Variants in COP1 observed in about 807,000 individuals in gnomAD.
The protein encoded by COP1 is E3 ubiquitin-protein ligase COP1.
COP1 carries 24 observed loss-of-function variants against 101.3 expected under a neutral mutation model. That is an observed-to-expected ratio of 0.24 (90% CI 0.17 to 0.33). COP1 has a LOEUF of 0.33. COP1 is among the 10% of genes least tolerant of loss of function. The pLI, the probability that COP1 is intolerant of heterozygous loss-of-function variation, is 1.00. For synonymous variants in COP1, 347 were observed against 341.9 expected (o/e 1.01, Z -0.17); for missense variants, 663 against 906.2 (o/e 0.73, Z 3.45).
At chr1:176,085,118 CAT>C (rs1679901427) in intron 10 of COP1, among the ~76,000 whole-genome samples, 1 of 152,122 alleles carries the variant, frequency 6.6e-6, no homozygotes, top group Non-Finnish European at 1.5e-5. Flanking sequence ...CACATCTTTG[CAT>C]ATGTTATTTC....
chr1:176,036,844 C>T (rs1669637056), intron 14 of COP1, among the ~76,000 whole-genome samples: 1 of 152,116 alleles, frequency 6.6e-6, no homozygotes, highest in African/African-American at 2.4e-5. Context: ...AATGCATTTT[C>T]AATTTATGAT....
intron 1 of COP1, among the ~76,000 whole-genome samples, chr1:176,197,483 A>C (rs1290222129): frequency 6.6e-6 from 1 of 152,204 alleles, no homozygotes; most frequent in Admixed American, 6.5e-5. Context: ...TTGTACTTCT[A>C]GTCTCTAGAC....
chr1:175,982,722 C>T lies in COP1; in HGVS notation c.2133+4221G>A, dbSNP rs139555635. Among the ~76,000 whole-genome samples the T allele has an allele frequency of 2.6e-3, 400 of 152,186 alleles. 3 individuals are homozygous for T. Among genetic ancestry groups the T allele is most frequent in the African/African-American group, 9.2e-3 (382 of 41,526 alleles). On this transcript the variant is annotated intron_variant, in intron 18 of 19. Transcript: ENST00000367669. ...GGTTAAACTGTATATAATGGAATAC[C>T]ATTCAGCTTTACATGAACTTGGAGG...
At chr1:175,947,370 ATTTT>A (rs34272809) in intron 18 of COP1, 131 bp from the exon 19 acceptor site, 246 of 489,372 alleles carry the variant, frequency 5.0e-4, no homozygotes, top group East Asian at 8.4e-4. Flanking sequence ...TGAAGATACA[ATTTT>A]TTTTTTTTTT....
At chr1:176,048,213 T>TTA (rs1247914222) in intron 11 of COP1, among the ~76,000 whole-genome samples, 2 of 147,350 alleles carry the variant, frequency 1.4e-5, no homozygotes, top group Admixed American at 6.9e-5. Context: ...TTTTTTTTTT[T>TTA]ACAGAGATGG....
At chr1:176,064,639 C>T (rs983873639) in intron 11 of COP1, among the ~76,000 whole-genome samples, 8 of 152,040 alleles carry the variant, frequency 5.3e-5, no homozygotes, top group Admixed American at 3.3e-4. Context: ...CGCAGTGTTA[C>T]GGTTTCTTTC....
At chr1:176,178,362 A>G (rs1697255869) in intron 2 of COP1, among the ~76,000 whole-genome samples, 1 of 151,530 alleles carries the variant, frequency 6.6e-6, no homozygotes, top group Non-Finnish European at 1.5e-5. Context: ...TAATAATAAT[A>G]AATGCAAAAA....
chr1:176,028,841 T>C (rs1668186549), intron 14 of COP1, among the ~76,000 whole-genome samples: 1 of 151,088 alleles, frequency 6.6e-6, no homozygotes, highest in African/African-American at 2.4e-5. Flanking sequence ...TCAGGCAGCC[T>C]CTACCTCCTA....
At chr1:175,948,079 G>A (rs1649411847) in intron 18 of COP1, among the ~76,000 whole-genome samples, 1 of 152,172 alleles carries the variant, frequency 6.6e-6, no homozygotes, top group Non-Finnish European at 1.5e-5. Flanking sequence ...CTATCATTCA[G>A]CACATGCATT....
chr1:176,020,600 C>G (rs960768203), intron 15 of COP1, among the ~76,000 whole-genome samples: 4 of 152,156 alleles, frequency 2.6e-5, no homozygotes, highest in Non-Finnish European at 4.4e-5. Context: ...ATCGCTCTAC[C>G]TGTGCGGTGG....
chr1:176,149,731 C>T (rs77702123), intron 5 of COP1, among the ~76,000 whole-genome samples: 5,575 of 151,952 alleles, frequency 0.037, 155 homozygotes, highest in Non-Finnish European at 0.059. Flanking sequence ...TTCTGAGTAG[C>T]AAAACATAAA....
At chr1:176,021,832 A>T (rs928245872) in intron 15 of COP1, among the ~76,000 whole-genome samples, 2 of 152,222 alleles carry the variant, frequency 1.3e-5, no homozygotes, top group Admixed American at 1.3e-4. Flanking sequence ...TTTATTGAAA[A>T]AGAGAAGCAT....
At chr1:176,092,149 G>A (rs940892023) in intron 9 of COP1, among the ~76,000 whole-genome samples, 1 of 152,026 alleles carries the variant, frequency 6.6e-6, no homozygotes, top group African/African-American at 2.4e-5. Context: ...ACTGAGTTAT[G>A]CAACTAGTGT....
At chr1:176,151,314 A>G (rs1465893743) in intron 5 of COP1, among the ~76,000 whole-genome samples, 2 of 142,936 alleles carry the variant, frequency 1.4e-5, no homozygotes, top group Non-Finnish European at 3.0e-5. Flanking sequence ...AAGGAGAGAA[A>G]GAAAGAAGGA....
At chr1:176,005,766 C>T (rs1035879574) in intron 15 of COP1, among the ~76,000 whole-genome samples, 2 of 151,394 alleles carry the variant, frequency 1.3e-5, no homozygotes, top group Non-Finnish European at 2.9e-5. Flanking sequence ...GCTTTACTTC[C>T]AACTATGTGG....
intron 9 of COP1, among the ~76,000 whole-genome samples, chr1:176,095,843 T>A (rs1387663922): frequency 6.6e-6 from 1 of 152,176 alleles, no homozygotes; most frequent in Non-Finnish European, 1.5e-5. Context: ...TTACTATTCA[T>A]AATTTTTTTT....
At chr1:176,200,397 T>C (rs1484184304) in intron 1 of COP1, among the ~76,000 whole-genome samples, 1 of 152,198 alleles carries the variant, frequency 6.6e-6, no homozygotes, top group Non-Finnish European at 1.5e-5. Flanking sequence ...TCATTATCTC[T>C]ATTTAGAGCC....
At chr1:176,182,006 C>G (rs2102005996) in intron 2 of COP1, among the ~76,000 whole-genome samples, 1 of 152,234 alleles carries the variant, frequency 6.6e-6, no homozygotes, top group Non-Finnish European at 1.5e-5. Context: ...GACCTAAAGA[C>G]AACATGAAGA....
intron 11 of COP1, among the ~76,000 whole-genome samples, chr1:176,049,547 T>G (rs930031085): frequency 2.0e-5 from 3 of 151,950 alleles, no homozygotes; most frequent in African/African-American, 7.3e-5. Flanking sequence ...AAATTTTGAT[T>G]AAAAGGGAAA....
Sources: allele counts gnomAD v4.1 joint callset (sites outside exome capture counted in the v4.1 genomes callset), GRCh38; gene constraint gnomAD v4.1.1; transcripts MANE v1.5; gene names NCBI Gene and HGNC (gene_info 2026-07-23, HGNC 2026-07-21).